Variants in GRID2 observed in about 807,000 individuals in gnomAD.
GRID2 encodes the protein glutamate receptor ionotropic, delta-2.
GRID2 carries 33 observed loss-of-function variants against 114.8 expected under a neutral mutation model. That is an observed-to-expected ratio of 0.29 (90% confidence interval 0.22 to 0.38). The LOEUF is 0.38. GRID2 is among the 10% of genes least tolerant of loss of function. The probability of loss-of-function intolerance (pLI) is 1.00; values close to 1 mark genes in which losing one functional copy is unlikely to be tolerated. For missense variants in GRID2, 1,184 were observed against 1,257.7 expected (o/e 0.94, Z 0.89); for synonymous variants, 505 against 449.9 (o/e 1.12, Z -1.55).
intron 2 of GRID2, among the ~76,000 whole-genome samples, chr4:92,857,268 G>A (rs952365083): frequency 6.6e-6 from 1 of 152,134 alleles, no homozygotes; most frequent in Admixed American, 6.5e-5. Context: ...TTAATCAAAG[G>A]CTAGAAATAA....
chr4:92,738,913 C>G (rs1310982057), intron 2 of GRID2, among the ~76,000 whole-genome samples: 1 of 152,150 alleles, frequency 6.6e-6, no homozygotes, highest in Admixed American at 6.6e-5. Flanking sequence ...AGCAGTTCTC[C>G]CATGTTGGCC....
intron 4 of GRID2, among the ~76,000 whole-genome samples, chr4:93,132,194 A>G (rs1734867166): frequency 6.6e-6 from 1 of 152,228 alleles, no homozygotes; most frequent in Non-Finnish European, 1.5e-5. Flanking sequence ...CCTTGAGGTC[A>G]GGGGCTATTG....
intron 14 of GRID2, among the ~76,000 whole-genome samples, chr4:93,757,594 G>A (rs1444575386): frequency 6.6e-6 from 1 of 152,250 alleles, no homozygotes; most frequent in African/African-American, 2.4e-5. Context: ...CCACCCTGCA[G>A]TGGAACTATC....
chr4:93,137,328 C>T (rs948242742), intron 4 of GRID2, among the ~76,000 whole-genome samples: 1 of 152,096 alleles, frequency 6.6e-6, no homozygotes, highest in African/African-American at 2.4e-5. Context: ...TTTTTATAGG[C>T]ATTATTATGA....
At chr4:93,796,513 A>T (rs1206021887) in intron 1 of GRID2, among the ~76,000 whole-genome samples, 1 of 151,654 alleles carries the variant, frequency 6.6e-6, no homozygotes, top group African/African-American at 2.4e-5. Flanking sequence ...CACAGAAGGA[A>T]CCAGTCATGG....
intron 1 of GRID2, among the ~76,000 whole-genome samples, chr4:92,567,873 G>A (rs1280768184): frequency 6.6e-6 from 1 of 151,932 alleles, no homozygotes; most frequent in African/African-American, 2.4e-5. Flanking sequence ...TGGTAATTCA[G>A]AGTTAACACA....
At chr4:92,439,992 G>A (rs1732956292) in intron 1 of GRID2, among the ~76,000 whole-genome samples, 1 of 145,740 alleles carries the variant, frequency 6.9e-6, no homozygotes, top group South Asian at 2.3e-4. Flanking sequence ...TGGGGGCACA[G>A]TCTAAGTTGG....
intron 11 of GRID2, among the ~76,000 whole-genome samples, chr4:93,460,898 A>G (rs770691992): frequency 6.6e-6 from 1 of 152,202 alleles, no homozygotes; most frequent in Non-Finnish European, 1.5e-5. Flanking sequence ...AGAGGAGTTT[A>G]TAAGTAAGGC....
At chr4:92,608,511 G>A (rs903251503) in intron 2 of GRID2, among the ~76,000 whole-genome samples, 5 of 151,608 alleles carry the variant, frequency 3.3e-5, no homozygotes, top group African/African-American at 9.7e-5. Flanking sequence ...AGAGATAAGC[G>A]CCCAAGTTTT....
At chr4:92,381,963 G>A (rs1438331221) in intron 1 of GRID2, among the ~76,000 whole-genome samples, 1 of 151,878 alleles carries the variant, frequency 6.6e-6, no homozygotes, top group African/African-American at 2.4e-5. Flanking sequence ...ATTTTTTCAA[G>A]TTTTTCATGA....
chr4:93,088,737 T>A (rs887765982), intron 3 of GRID2, among the ~76,000 whole-genome samples: 1 of 152,126 alleles, frequency 6.6e-6, no homozygotes, highest in Non-Finnish European at 1.5e-5. Flanking sequence ...ATCATGTCAT[T>A]TGATCTTCTC....
At chr4:93,380,793 T>A (rs1010795462) in intron 8 of GRID2, among the ~76,000 whole-genome samples, 3 of 152,032 alleles carry the variant, frequency 2.0e-5, no homozygotes, top group Non-Finnish European at 4.4e-5. Context: ...AACAAAATAC[T>A]CTAAAGCATA....
intron 1 of GRID2, among the ~76,000 whole-genome samples, chr4:92,320,710 TC>T (rs1726268454): frequency 6.6e-6 from 1 of 152,172 alleles, no homozygotes; most frequent in Admixed American, 6.5e-5. Context: ...ACTCCTGACC[TC>T]AAGCGATCCA....
intron 2 of GRID2, among the ~76,000 whole-genome samples, chr4:92,876,775 A>G (rs1348324246): frequency 6.6e-6 from 1 of 152,218 alleles, no homozygotes; most frequent in Non-Finnish European, 1.5e-5. Flanking sequence ...CACAGGGAGG[A>G]CAGGGTAGAG....
At chr4:92,878,085 T>C (rs993681299) in intron 2 of GRID2, among the ~76,000 whole-genome samples, 3 of 152,170 alleles carry the variant, frequency 2.0e-5, no homozygotes, top group South Asian at 4.1e-4. Flanking sequence ...GCAGTTGTGA[T>C]TGATATAACT....
chr4:93,026,865 T>C lies in GRID2; in HGVS notation c.245-58130T>C, dbSNP rs574279729. On this transcript the variant is annotated intron_variant, in intron 2 of 15. Coordinates refer to ENST00000282020, the MANE Select transcript of GRID2 (RefSeq NM_001510.4). ...ACAGCATACATTTTAACCTGCTTAC[T>C]TTTTAAAAATACAAAAAAATGATAA... is the stretch of plus-strand genomic sequence containing the variant. 4.6e-5 allele frequency among the ~76,000 whole-genome samples: 7 copies of C among 152,190 alleles called. No homozygotes were observed. In the South Asian group the frequency reaches 1.4e-3, roughly 32 times the overall value.
chr4:92,825,825 C>T (rs1741656708), intron 2 of GRID2, among the ~76,000 whole-genome samples: 1 of 152,106 alleles, frequency 6.6e-6, no homozygotes. Context: ...AGGAAACAGC[C>T]TTCATGTTCT....
intron 13 of GRID2, among the ~76,000 whole-genome samples, chr4:93,587,205 T>C (rs1199477240): frequency 6.6e-6 from 1 of 152,124 alleles, no homozygotes; most frequent in Non-Finnish European, 1.5e-5. Flanking sequence ...TATATAACTA[T>C]ATTTAAAATT....
chr4:92,683,485 C>G (rs1365413558), intron 2 of GRID2, among the ~76,000 whole-genome samples: 1 of 151,990 alleles, frequency 6.6e-6, no homozygotes, highest in East Asian at 1.9e-4. Context: ...CAAACTTGAG[C>G]AGCCTAATTC....
Sources: allele counts gnomAD v4.1 joint callset (sites outside exome capture counted in the v4.1 genomes callset), GRCh38; gene constraint gnomAD v4.1.1; transcripts MANE v1.5; gene names NCBI Gene and HGNC (gene_info 2026-07-23, HGNC 2026-07-21).